PDE1A: variants seen among roughly 807,000 people sequenced by gnomAD.
PDE1A encodes phosphodiesterase 1A.
A neutral mutation model predicts 61.7 loss-of-function variants in PDE1A; 35 were observed. The ratio of observed to expected loss-of-function variants is 0.57; its 90% confidence interval spans 0.43 to 0.75. The LOEUF is 0.75. PDE1A is among the 30% of genes least tolerant of loss of function. The probability of loss-of-function intolerance (pLI) is 0.00; values close to 1 mark genes in which losing one functional copy is unlikely to be tolerated. For synonymous variants in PDE1A, 232 were observed against 213.2 expected (o/e 1.09, Z -0.77); for missense variants, 597 against 630.6 (o/e 0.95, Z 0.57).
At chr2:182,390,702 G>C (rs1028931111) in intron 1 of PDE1A, among the ~76,000 whole-genome samples, 36 of 152,284 alleles carry the variant, frequency 2.4e-4, no homozygotes, top group African/African-American at 8.4e-4. Flanking sequence ...AGCCTCACCA[G>C]GTGTCTACTG....
the PDE1A span, among the ~76,000 whole-genome samples, chr2:182,622,386 C>T: frequency 2.0e-5 from 3 of 152,182 alleles, no homozygotes; most frequent in Admixed American, 2.0e-4. Context: ...AGCACCACTG[C>T]TCTGTCTCAT....
intron 3 of PDE1A, among the ~76,000 whole-genome samples, chr2:182,234,946 T>C (rs892048244): frequency 7.9e-5 from 12 of 152,222 alleles, no homozygotes; most frequent in Non-Finnish European, 1.3e-4. Context: ...GAGGGGGATA[T>C]GTAGTATCAT....
chr2:182,538,786 G>A, the PDE1A span, among the ~76,000 whole-genome samples: 1 of 152,080 alleles, frequency 6.6e-6, no homozygotes, highest in African/African-American at 2.4e-5. Context: ...GTCAGATTTT[G>A]TAAAACTCAT....
chr2:182,702,548 G>A, the PDE1A span, among the ~76,000 whole-genome samples: 1 of 152,174 alleles, frequency 6.6e-6, no homozygotes, highest in African/African-American at 2.4e-5. Flanking sequence ...GCTGGTATGT[G>A]ATGCACTTCA....
intron 2 of PDE1A, among the ~76,000 whole-genome samples, chr2:182,433,739 T>A (rs923703607): frequency 7.9e-5 from 12 of 152,070 alleles, no homozygotes; most frequent in Admixed American, 3.3e-4. Context: ...AATATCCACA[T>A]TCTGCCTGAT....
chr2:182,267,807 C>T (rs917921502), intron 1 of PDE1A, among the ~76,000 whole-genome samples: 1 of 152,102 alleles, frequency 6.6e-6, no homozygotes, highest in African/African-American at 2.4e-5. Context: ...CAAGGTCAAA[C>T]ATCTTCATGA....
the PDE1A span, among the ~76,000 whole-genome samples, chr2:182,556,723 T>G: frequency 6.6e-6 from 1 of 152,200 alleles, no homozygotes; most frequent in South Asian, 2.1e-4. Context: ...CTAATGTGCT[T>G]CAGAAGCCAT....
chr2:182,271,183 A>G (rs1298056349), intron 1 of PDE1A, among the ~76,000 whole-genome samples: 1 of 135,820 alleles, frequency 7.4e-6, no homozygotes, highest in Non-Finnish European at 1.6e-5. Flanking sequence ...TACCTTTACC[A>G]CCAAAAAAAA....
exon 14 of PDE1A, chr2:182,167,947 G>GAAA: frequency 3.5e-6 from 4 of 1,155,968 alleles, no homozygotes; most frequent in Non-Finnish European, 4.3e-6. Flanking sequence ...GCTGCTCAAA[G>GAAA]AAAATTTATT....
chr2:182,637,746 C>A, the PDE1A span, among the ~76,000 whole-genome samples: 1 of 152,016 alleles, frequency 6.6e-6, no homozygotes, highest in African/African-American at 2.4e-5. Context: ...CGTGATGAAA[C>A]CCCATCTCTA....
At chr2:182,603,470 C>G in the PDE1A span, among the ~76,000 whole-genome samples, 1 of 152,228 alleles carries the variant, frequency 6.6e-6, no homozygotes, top group Non-Finnish European at 1.5e-5. Flanking sequence ...GCCTCAGCCT[C>G]TTGAGTAGCT....
chr2:182,277,275 C>T (rs933452511), intron 1 of PDE1A, among the ~76,000 whole-genome samples: 1 of 152,022 alleles, frequency 6.6e-6, no homozygotes, highest in Non-Finnish European at 1.5e-5. Flanking sequence ...GTGATGTCAC[C>T]CCTGGAGTCC....
intron 2 of PDE1A, among the ~76,000 whole-genome samples, chr2:182,250,777 G>A (rs6736970): frequency 1.8e-4 from 27 of 152,162 alleles, no homozygotes; most frequent in African/African-American, 6.3e-4. Flanking sequence ...TAAGGATAAT[G>A]TTGAAGTTAG....
chr2:182,657,231 CCAAAACAAACAACA>C, the PDE1A span, among the ~76,000 whole-genome samples: 1 of 152,054 alleles, frequency 6.6e-6, no homozygotes, highest in African/African-American at 2.4e-5. Context: ...CAAAAAAAAC[CCAAAACAAACAACA>C]CAACTATATT....
At chr2:182,208,394 A>T (rs1687294042) in intron 7 of PDE1A, among the ~76,000 whole-genome samples, 1 of 152,148 alleles carries the variant, frequency 6.6e-6, no homozygotes, top group Non-Finnish European at 1.5e-5. Context: ...TTAAACCATC[A>T]GATCTCATGA....
chr2:182,306,294 T>A (rs1363277047), intron 1 of PDE1A, among the ~76,000 whole-genome samples: 1 of 152,106 alleles, frequency 6.6e-6, no homozygotes, highest in Non-Finnish European at 1.5e-5. Context: ...GCAGTGAACA[T>A]GGGAGTGCAG....
At chr2:182,400,567 AGAGGACTCTCAG>A (rs1446523646) in intron 1 of PDE1A, among the ~76,000 whole-genome samples, 1 of 152,132 alleles carries the variant, frequency 6.6e-6, no homozygotes, top group Non-Finnish European at 1.5e-5. Context: ...TTAGCCCTCC[AGAGGACTCTCAG>A]GAGCACTCTC....
chr2:182,493,341 G>C (rs976782003), intron 2 of PDE1A, among the ~76,000 whole-genome samples: 12 of 150,216 alleles, frequency 8.0e-5, no homozygotes, highest in African/African-American at 2.7e-4. Flanking sequence ...GTGCAGGCTT[G>C]TTACATATGT....
At chr2:182,641,477 A>G in the PDE1A span, among the ~76,000 whole-genome samples, 1 of 152,220 alleles carries the variant, frequency 6.6e-6, no homozygotes, top group East Asian at 1.9e-4. Flanking sequence ...CATTTTTCCC[A>G]AGAAAGCAGT....
Sources: gnomAD v4.1 joint callset for allele counts (sites outside exome capture counted in the v4.1 genomes callset) on GRCh38, gnomAD v4.1.1 for gene constraint, MANE v1.5 for transcripts, NCBI Gene and HGNC (gene_info 2026-07-23, HGNC 2026-07-21) for gene names.